LRRN1: variants seen among roughly 807,000 people sequenced by gnomAD.
The protein encoded by LRRN1 is leucine-rich repeat neuronal protein 1.
Under a neutral mutation model 45.8 loss-of-function variants are expected in LRRN1, and 14 were observed. The ratio of observed to expected loss-of-function variants is 0.31; its 90% CI spans 0.20 to 0.48. LRRN1 has a LOEUF of 0.48. Ranked by LOEUF, LRRN1 falls within the 20% of genes least tolerant of loss-of-function variation. The pLI, the probability that LRRN1 is intolerant of heterozygous loss-of-function variation, is 0.99. For synonymous variants in LRRN1, 359 were observed against 330.1 expected (o/e 1.09, Z -0.95); for missense variants, 789 against 874.2 (o/e 0.90, Z 1.23).
At chr3:3,810,713 A>G (rs1692854504) in intron 1 of LRRN1, among the ~76,000 whole-genome samples, 1 of 152,152 alleles carries the variant, frequency 6.6e-6, no homozygotes, top group South Asian at 2.1e-4. Context: ...TCTCTTTAAG[A>G]AAAGGAAAGA....
chr3:3,831,345 A>G (rs552468294), intron 1 of LRRN1, among the ~76,000 whole-genome samples: 1 of 152,350 alleles, frequency 6.6e-6, no homozygotes, highest in African/African-American at 2.4e-5. Flanking sequence ...CTGAGGGGGA[A>G]GATTCCTGAA....
chr3:3,820,511 A>G (rs1693079784), intron 1 of LRRN1, among the ~76,000 whole-genome samples: 1 of 152,160 alleles, frequency 6.6e-6, no homozygotes, highest in Non-Finnish European at 1.5e-5. Flanking sequence ...AAATAAGGAG[A>G]GCAATGGTGT....
chr3:3,842,572 A>G (rs974239612), intron 1 of LRRN1, among the ~76,000 whole-genome samples: 3 of 152,148 alleles, frequency 2.0e-5, no homozygotes, highest in African/African-American at 4.8e-5. Flanking sequence ...TACGTTTTAC[A>G]AAGTCGAAAG....
At chr3:3,840,348 T>C (rs1693622473) in intron 1 of LRRN1, among the ~76,000 whole-genome samples, 1 of 152,224 alleles carries the variant, frequency 6.6e-6, no homozygotes, top group African/African-American at 2.4e-5. Context: ...GTATATAATC[T>C]TTTTAATATG....
chr3:3,800,269 C>T lies in LRRN1; in HGVS notation c.-279+350C>T, dbSNP rs573748330. Reference sequence around the variant, plus strand: ...GGGGCCGACCAGGGGAGGGAGGTGCCCGGGGACGGGGAGGGAGGAGGGCTG... The same window carrying T: ...GGGGCCGACCAGGGGAGGGAGGTGCTCGGGGACGGGGAGGGAGGAGGGCTG... On this transcript the variant is annotated intron_variant, in intron 1 of 1. Coordinates refer to ENST00000319331, the MANE Select transcript of LRRN1 (RefSeq NM_020873.7). Among the ~76,000 whole-genome samples, 232 of 152,040 alleles carry T rather than the reference C, an allele frequency of 1.5e-3. 4 individuals carry two copies. The highest frequency in any genetic ancestry group is 3.4e-3 in the Middle Eastern group (1 of 294).
At chr3:3,831,228 G>A (rs1180534533) in intron 1 of LRRN1, among the ~76,000 whole-genome samples, 6 of 152,212 alleles carry the variant, frequency 3.9e-5, no homozygotes, top group African/African-American at 1.4e-4. Flanking sequence ...GGCCCACTAG[G>A]CATTCTGCCT....
intron 1 of LRRN1, chr3:3,822,805 G>C (rs886952865): frequency 1.3e-5 from 2 of 152,128 alleles, no homozygotes; most frequent in Non-Finnish European, 2.9e-5. Flanking sequence ...GGATTTTGAA[G>C]GCAGCCACTT....
At chr3:3,804,860 CTA>C (rs1342668460) in intron 1 of LRRN1, among the ~76,000 whole-genome samples, 1 of 152,134 alleles carries the variant, frequency 6.6e-6, no homozygotes, top group African/African-American at 2.4e-5. Flanking sequence ...TAAAGGAAAA[CTA>C]TTTAAAGTTT....
At chr3:3,828,132 T>TTATATATA (rs3043963) in intron 1 of LRRN1, among the ~76,000 whole-genome samples, 8 of 145,324 alleles carry the variant, frequency 5.5e-5, no homozygotes, top group Non-Finnish European at 1.5e-5. Flanking sequence ...AGGGACAGAA[T>TTATATATA]TATATATATA....
intron 1 of LRRN1, among the ~76,000 whole-genome samples, chr3:3,819,232 C>T (rs1213665267): frequency 6.6e-6 from 1 of 152,160 alleles, no homozygotes; most frequent in Admixed American, 6.5e-5. Context: ...AGCAAGCCTC[C>T]TGCCTCAGCT....
At chr3:3,820,908 G>A (rs1190545417) in intron 1 of LRRN1, among the ~76,000 whole-genome samples, 1 of 152,180 alleles carries the variant, frequency 6.6e-6, no homozygotes, top group Non-Finnish European at 1.5e-5. Context: ...GCAAAGCCAT[G>A]GCTACCTCTG....
intron 1 of LRRN1, among the ~76,000 whole-genome samples, chr3:3,832,072 T>C (rs1693384425): frequency 1.3e-5 from 2 of 152,218 alleles, no homozygotes; most frequent in Non-Finnish European, 2.9e-5. Flanking sequence ...GAGTCACGAC[T>C]TAGTTAAGCT....
chr3:3,838,708 G>C (rs1344356235), intron 1 of LRRN1, among the ~76,000 whole-genome samples: 1 of 152,058 alleles, frequency 6.6e-6, no homozygotes, highest in African/African-American at 2.4e-5. Flanking sequence ...TGTTGTGATA[G>C]TGTCCATCCT....
At chr3:3,833,677 C>G (rs1272595073) in intron 1 of LRRN1, among the ~76,000 whole-genome samples, 1 of 152,116 alleles carries the variant, frequency 6.6e-6, no homozygotes, top group Non-Finnish European at 1.5e-5. Context: ...CATTATTTTG[C>G]CTGGCAACTG....
chr3:3,845,737 A>T lies in LRRN1; in HGVS notation c.1096A>T (p.Ile366Phe). Reference protein sequence around the residue: ...TVESLPNLREISIHSNPLRCD... With the variant: ...TVESLPNLREFSIHSNPLRCD... ...CGAATCCCTCCCCAATCTGCGTGAG[A>T]TCAGTATCCATAGCAATCCCCTCAG... Residue 366 changes from isoleucine (I) to phenylalanine (F), a missense_variant, in exon 2 of 2, where the codon ATC (isoleucine) becomes TTC (phenylalanine). Coordinates refer to ENST00000319331, the MANE Select transcript of LRRN1 (RefSeq NM_020873.7). The surrounding 1 kb of genome is among the most constrained non-coding windows in gnomAD (Gnocchi z 6.5). 1 of 1,614,080 alleles carries T rather than the reference A, an allele frequency of 6.2e-7. No individual in the cohort carries two copies. Among genetic ancestry groups the T allele is most frequent in the Non-Finnish European group, 8.5e-7 (1 of 1,180,034 alleles).
chr3:3,823,688 G>C (rs987125552), intron 1 of LRRN1, among the ~76,000 whole-genome samples: 1 of 152,160 alleles, frequency 6.6e-6, no homozygotes, highest in Non-Finnish European at 1.5e-5. Flanking sequence ...GCTTAGAGAG[G>C]TGGAGTCATT....
chr3:3,802,534 T>TTA (rs1471482100), intron 1 of LRRN1, among the ~76,000 whole-genome samples: 2 of 152,180 alleles, frequency 1.3e-5, no homozygotes, highest in Non-Finnish European at 2.9e-5. Context: ...GGACAACAGA[T>TTA]GTTAGTCTGC....
At chr3:3,824,100 T>C (rs977859722) in intron 1 of LRRN1, among the ~76,000 whole-genome samples, 1 of 152,186 alleles carries the variant, frequency 6.6e-6, no homozygotes, top group African/African-American at 2.4e-5. Flanking sequence ...CCAGACAGCA[T>C]TCAGGCATGG....
Position 3,846,716 on chromosome 3 carries a change from G to A in LRRN1, c.2075G>A (p.Ser692Asn), listed in dbSNP as rs1169001673. 6.2e-7 allele frequency: 1 copy of A among 1,614,002 alleles called. No individual in the cohort carries two copies. The highest frequency in any genetic ancestry group is 1.3e-5 in the African/African-American group (1 of 75,056). ...CTCATTAACCTCTGGGAAGGTGACA[G>A]CGAGAAAGACAAAGATGGTTCTGCA... ...PPLINLWEGD[S>N]EKDKDGSADT... Residue 692 changes from serine (S) to asparagine (N), a missense_variant, in exon 2 of 2, where the codon AGC becomes AAC. Ser to Asn is a conservative substitution (Grantham distance 46). Coordinates refer to ENST00000319331, the MANE Select transcript of LRRN1 (RefSeq NM_020873.7). This position sits in a 1 kb window ranked among gnomAD's most constrained non-coding sequence, Gnocchi z 5.7.
Sources: allele counts gnomAD v4.1 joint callset (sites outside exome capture counted in the v4.1 genomes callset), GRCh38; gene constraint gnomAD v4.1.1; non-coding constraint Gnocchi (gnomAD v3.1); transcripts MANE v1.5; gene names NCBI Gene and HGNC (gene_info 2026-07-23, HGNC 2026-07-21).